Variants in SCLY observed in about 807,000 individuals in gnomAD.
SCLY encodes the protein putative selenocysteine lyase.
Under a neutral mutation model 50.1 loss-of-function variants are expected in SCLY, and 38 were observed. The observed-to-expected ratio is 0.76, with a 90% CI of 0.59 to 0.99. SCLY has a LOEUF of 0.99. Ranked by LOEUF, SCLY falls within the 50% of genes least tolerant of loss-of-function variation. The pLI is 0.00. For missense variants in SCLY, 600 were observed against 620.0 expected, an observed-to-expected ratio of 0.97 and a Z score of 0.34; for synonymous variants, 243 against 249.4, an observed-to-expected ratio of 0.97 and a Z score of 0.24.
At chr2:238,082,895 C>T in intron 6 of SCLY, 4 of 318,344 alleles carry the variant, frequency 1.3e-5, no homozygotes, top group South Asian at 5.8e-5. Context: ...TGGTTCCAAC[C>T]CCTCTCTATT....
intron 7 of SCLY, among the ~76,000 whole-genome samples, chr2:238,089,816 G>A (rs1043483512): frequency 6.6e-6 from 1 of 152,130 alleles, no homozygotes; most frequent in African/African-American, 2.4e-5. Context: ...AAAACATAAA[G>A]CAATAAAACC....
At chr2:238,095,490 C>T (rs950875199) in intron 10 of SCLY, 4 of 152,184 alleles carry the variant, frequency 2.6e-5, no homozygotes, top group African/African-American at 4.8e-5. Flanking sequence ...TCCTGGATCA[C>T]GCAGAGAAAC....
chr2:238,093,799 C>T (rs188037623), intron 8 of SCLY, 62 bp from the exon 9 acceptor site: 3 of 1,489,534 alleles, frequency 2.0e-6, no homozygotes, highest in Admixed American at 1.9e-5. Context: ...CCGTTGAAAG[C>T]TTTTTGGCCC....
chr2:238,099,201 C>G lies in SCLY; in HGVS notation c.*846C>G, dbSNP rs1429207088. On this transcript the variant is annotated 3_prime_UTR_variant, in exon 12 of 12. Coordinates refer to ENST00000254663, the MANE Select transcript of SCLY (RefSeq NM_016510.7). ...GGGGTGGGAATCGGATCATCCCTGACTCAGCTTTTACCTTAATTTTATTTG... is the reference window on the plus strand; with the variant it reads ...GGGGTGGGAATCGGATCATCCCTGAGTCAGCTTTTACCTTAATTTTATTTG... 3 of 470,106 alleles carry G rather than the reference C, an allele frequency of 6.4e-6. No homozygotes were observed. The Admixed American group carries it at 7.1e-5, about 11-fold the overall frequency. The allele number at this position is 470,106 out of a possible 1,614,324, so 29.1% of individuals were successfully genotyped here.
chr2:238,068,572 G>A (rs2065098016), intron 3 of SCLY, among the ~76,000 whole-genome samples: 1 of 152,046 alleles, frequency 6.6e-6, no homozygotes, highest in South Asian at 2.1e-4. Context: ...GTAATGTGTG[G>A]TCTTGCTATA....
chr2:238,071,903 A>G (rs2065131371), intron 4 of SCLY, among the ~76,000 whole-genome samples: 2 of 152,312 alleles, frequency 1.3e-5, no homozygotes, highest in African/African-American at 4.8e-5. Context: ...TCATCCACTT[A>G]AAGTGTACAG....
chr2:238,089,648 ATT>A (rs35551907), intron 7 of SCLY, among the ~76,000 whole-genome samples: 2,333 of 141,476 alleles, frequency 0.016, 61 homozygotes, highest in African/African-American at 0.052. Context: ...TTTTTTTGCG[ATT>A]TTTTTTTTTT....
rs1422765402 is a variant in SCLY at position 238,069,468 on chromosome 2, C to T, written c.475C>T (p.Gln159Ter). The T allele has an allele frequency of 3.7e-6, 6 of 1,611,776 alleles. No individual in the cohort carries two copies. The highest frequency in any genetic ancestry group is 3.4e-5 in the Admixed American group (2 of 59,476). ...GCCCCTGGAGCACCTGGTGGAAGAACAAGTGGCAGGTGAGTGAGTGCAGGG... is the reference window on the plus strand; with the variant it reads ...GCCCCTGGAGCACCTGGTGGAAGAATAAGTGGCAGGTGAGTGAGTGCAGGG... ...RLPLEHLVEE[Q>*]VAAVTFVPVS... The change falls in exon 4 of 12, where the codon CAA becomes TAA. Residue 159 changes from glutamine to a stop codon, truncating the protein, a stop_gained. Coordinates refer to ENST00000254663, the MANE Select transcript of SCLY (RefSeq NM_016510.7). LOFTEE classifies it high-confidence loss of function. The surrounding 1 kb of genome is among the most constrained non-coding windows in gnomAD (Gnocchi z 5.0).
rs2106459266 is a variant in SCLY at position 238,098,538 on chromosome 2, A to G, written c.*183A>G. 1 of 693,144 alleles carries G rather than the reference A, an allele frequency of 1.4e-6. No homozygotes were observed. 42.9% of individuals were successfully genotyped at this position (693,144 alleles called of 1,614,324 possible). A position where few individuals can be genotyped will look rare whatever the true frequency, so the allele number is the denominator to read the frequency against. On this transcript the variant is annotated 3_prime_UTR_variant, in exon 12 of 12. Transcript: ENST00000254663. ...TTCCCTGGACCCCTGCAGAGCTCAC[A>G]GGGCCCAGGACACCAACGCCGCATA...
Position 238,098,143 on chromosome 2 carries a change from G to T in SCLY, c.1185-59G>T, listed in dbSNP as rs139920187. On this transcript the variant is annotated intron_variant, in intron 11 of 11. Coordinates refer to ENST00000254663, the MANE Select transcript of SCLY (RefSeq NM_016510.7). Reference sequence around the variant, plus strand: ...TAGGGGAGTGGTCCAGAGCAGGGGGGGCTGTGTCTCTTCCATGTGCCCTCA... The same window carrying T: ...TAGGGGAGTGGTCCAGAGCAGGGGGTGCTGTGTCTCTTCCATGTGCCCTCA... 1.2e-4 allele frequency: 184 copies of T among 1,576,724 alleles called. 3 individuals carry two copies. Among genetic ancestry groups the T allele is most frequent in the South Asian group, 7.5e-4 (66 of 87,540 alleles).
At chr2:238,098,154 T>C in intron 11 of SCLY, 48 bp from the exon 12 acceptor site, 4 of 1,589,716 alleles carry the variant, frequency 2.5e-6, no homozygotes, top group Non-Finnish European at 3.4e-6. Context: ...GCTGTGTCTC[T>C]TCCATGTGCC....
intron 2 of SCLY, 124 bp downstream of exon 2, chr2:238,064,593 G>A (rs891787265): frequency 1.1e-5 from 6 of 539,798 alleles, no homozygotes; most frequent in Non-Finnish European, 1.9e-5. Context: ...TGCAATTCTT[G>A]AGCTGTAATT....
Position 238,098,567 on chromosome 2 carries a change from C to CCACCCACA in SCLY, c.*212_*213insCACCCACA. The CCACCCACA allele has an allele frequency of 4.7e-6, 2 of 424,950 alleles. No homozygotes were observed. The allele number at this position is 424,950 out of a possible 1,614,324, so 26.3% of individuals were successfully genotyped here. A position where few individuals can be genotyped will look rare whatever the true frequency, so the allele number is the denominator to read the frequency against. ...CCCAGGACACCAACGCCGCATAGGA[C>CCACCCACA]TGCCCACATGGGACCGCCCACATAG... On this transcript the variant is annotated 3_prime_UTR_variant, in exon 12 of 12. Transcript: ENST00000254663.
intron 7 of SCLY, among the ~76,000 whole-genome samples, chr2:238,088,041 G>A (rs2065317942): frequency 6.6e-6 from 1 of 152,222 alleles, no homozygotes; most frequent in Non-Finnish European, 1.5e-5. Context: ...GGCTGCATGA[G>A]CTATGATTAC....
chr2:238,062,935 A>G (rs71424997), intron 1 of SCLY, among the ~76,000 whole-genome samples: 3 of 152,242 alleles, frequency 2.0e-5, no homozygotes, highest in Non-Finnish European at 4.4e-5. Flanking sequence ...AAAAAGATAT[A>G]CAGATAAATT....
At position 238,098,666 on chromosome 2, in the gene SCLY, C is replaced by A. The variant is rs988696590; in HGVS notation, c.*311C>A. The A allele has an allele frequency of 4.7e-6, 2 of 422,926 alleles. No homozygotes were observed. The highest frequency in any genetic ancestry group is 8.3e-6 in the Non-Finnish European group (2 of 242,124). 26.2% of individuals were successfully genotyped at this position (422,926 alleles called of 1,614,324 possible). ...CCACATGGGACCGCCCACATAGAAC[C>A]GTCCTCCAGTGGTGAAGCGGAAACA... On this transcript the variant is annotated 3_prime_UTR_variant, in exon 12 of 12. Coordinates refer to ENST00000254663, the MANE Select transcript of SCLY (RefSeq NM_016510.7).
intron 8 of SCLY, chr2:238,093,489 ATCTCTG>A (rs1394742959): frequency 7.0e-6 from 2 of 285,188 alleles, no homozygotes; most frequent in Non-Finnish European, 1.4e-5. Flanking sequence ...TTGTACAGCC[ATCTCTG>A]TCACCACCCC....
At position 238,069,595 on chromosome 2, in the gene SCLY, C is replaced by T. The variant is rs77336449; in HGVS notation, c.484+118C>T. 4.5e-4 allele frequency: 404 copies of T among 902,198 alleles called. No individual in the cohort carries two copies. In the African/African-American group the frequency reaches 6.4e-3, roughly 14 times the overall value. 55.9% of individuals were successfully genotyped at this position (902,198 alleles called of 1,614,324 possible). On this transcript the variant is annotated intron_variant, in intron 4 of 11. Transcript: ENST00000254663. The surrounding 1 kb of genome is among the most constrained non-coding windows in gnomAD (Gnocchi z 5.0). The stretch of plus-strand genomic sequence containing the variant: ...AGAGATGTAGATTCAGTGTGCCACT[C>T]ACTGTAACTCACTGGTTCTGATGAG...
chr2:238,064,339 T>C lies in SCLY; in HGVS notation c.90-18T>C, dbSNP rs2065048748. 2 of 1,542,554 alleles carry C rather than the reference T, an allele frequency of 1.3e-6. No individual in the cohort carries two copies. The highest frequency in any genetic ancestry group is 1.9e-5 in the Admixed American group (1 of 53,420). ...ATCTCCTTTTCCTTAATGGGTGTCT[T>C]TGCTTTCTTTCCTTCAGGAAAGTTT... On this transcript the variant is annotated intron_variant, in intron 1 of 11. Transcript: ENST00000254663.
Sources: gnomAD v4.1 joint callset for allele counts (sites outside exome capture counted in the v4.1 genomes callset) on GRCh38, gnomAD v4.1.1 for gene constraint, Gnocchi (gnomAD v3.1) non-coding constraint, MANE v1.5 for transcripts, NCBI Gene and HGNC (gene_info 2026-07-23, HGNC 2026-07-21) for gene names.